Variants in BRCC3 observed in about 807,000 individuals in gnomAD.
BRCC3 encodes the protein BRCA1/BRCA2-containing complex subunit 3.
Under a neutral mutation model 28.0 loss-of-function variants are expected in BRCC3, and 15 were observed. The observed-to-expected ratio is 0.54, with a 90% CI of 0.36 to 0.82. The LOEUF is 0.82. Among genes scored for constraint, BRCC3 ranks in the 40% least tolerant of loss-of-function variants. The pLI is 0.01. For synonymous variants in BRCC3, 66 were observed against 80.3 expected, an observed-to-expected ratio of 0.82 and a Z score of 0.95; for missense variants, 109 against 225.9, an observed-to-expected ratio of 0.48 and a Z score of 3.32.
chrX:155,091,106 C>T lies in BRCC3; in HGVS notation c.548+267C>T, dbSNP rs151090142. On this transcript the variant is annotated intron_variant, in intron 7 of 10. Transcript: ENST00000330045. ...TGACATTTCCTTTTGTACACTTATC[C>T]TAACTGAGCTGCTATTTTTCCTTTC... Among the ~76,000 whole-genome samples the T allele has an allele frequency of 5.5e-3, 611 of 111,487 alleles. 6 individuals are homozygous for T. The highest frequency in any genetic ancestry group is 0.019 in the African/African-American group (585 of 30,601).
intron 5 of BRCC3, among the ~76,000 whole-genome samples, chrX:155,088,971 C>A (rs1445114251): frequency 8.9e-6 from 1 of 112,107 alleles, no homozygotes; most frequent in Non-Finnish European, 1.9e-5. Flanking sequence ...TTTTTAATTT[C>A]TCTTTCTATT....
At chrX:155,091,565 C>A (rs1172095888) in intron 7 of BRCC3, among the ~76,000 whole-genome samples, 7 of 111,717 alleles carry the variant, frequency 6.3e-5, no homozygotes, top group African/African-American at 2.3e-4. Context: ...AGCCACTGCA[C>A]CCGGCCACTA....
chrX:155,083,916 CCCAGTCCAAAA>C (rs781943645), intron 5 of BRCC3, among the ~76,000 whole-genome samples: 12 of 112,321 alleles, frequency 1.1e-4, no homozygotes, highest in African/African-American at 3.9e-4. Flanking sequence ...AGCTGAAATA[CCCAGTCCAAAA>C]CCAGATGGCT....
chrX:155,072,739 T>G (rs1372943721), intron 2 of BRCC3, among the ~76,000 whole-genome samples: 1 of 109,706 alleles, frequency 9.1e-6, no homozygotes, highest in Non-Finnish European at 1.9e-5. Flanking sequence ...CTTTTTTTTT[T>G]GTACAGACGG....
At chrX:155,078,740 G>T in intron 5 of BRCC3, 37 bp downstream of exon 5, 1 of 996,296 alleles carries the variant, frequency 1.0e-6, no homozygotes, top group Non-Finnish European at 1.4e-6. Flanking sequence ...ATTGTTTTCA[G>T]AAATTAATAT....
At chrX:155,105,346 G>A (rs2074274329) in intron 7 of BRCC3, among the ~76,000 whole-genome samples, 1 of 111,398 alleles carries the variant, frequency 9.0e-6, no homozygotes, top group Non-Finnish European at 1.9e-5. Flanking sequence ...AGCCAAGTGT[G>A]GTGGCGCATG....
At chrX:155,120,490 A>G (rs1462756734) in intron 10 of BRCC3, among the ~76,000 whole-genome samples, 1 of 111,883 alleles carries the variant, frequency 8.9e-6, no homozygotes, top group Non-Finnish European at 1.9e-5. Flanking sequence ...GGAAGTCTTT[A>G]TTTTCATTTT....
intron 3 of BRCC3, among the ~76,000 whole-genome samples, chrX:155,075,684 G>C (rs1241922493): frequency 8.9e-6 from 1 of 112,196 alleles, no homozygotes; most frequent in East Asian, 2.8e-4. Context: ...TCTCAAATCT[G>C]TTTCTTCCAT....
chrX:155,071,689 C>T (rs1557292589), intron 1 of BRCC3, 39 bp downstream of exon 1: 7 of 1,187,554 alleles, frequency 5.9e-6, no homozygotes, highest in Non-Finnish European at 5.7e-6. Flanking sequence ...CCCTGCTGAG[C>T]AGTCCCAGTG....
At chrX:155,077,762 G>C (rs188250096) in intron 4 of BRCC3, among the ~76,000 whole-genome samples, 1 of 112,277 alleles carries the variant, frequency 8.9e-6, no homozygotes, top group Non-Finnish European at 1.9e-5. Context: ...TGGGGCATTT[G>C]TTTCCTGTGA....
chrX:155,075,299 C>T (rs782627393), intron 3 of BRCC3, among the ~76,000 whole-genome samples: 4 of 45,812 alleles, frequency 8.7e-5, no homozygotes, highest in Non-Finnish European at 1.3e-4. Context: ...TTCCCCTGGC[C>T]CTTCTTGTTC....
intron 7 of BRCC3, among the ~76,000 whole-genome samples, chrX:155,091,408 A>G (rs2074173618): frequency 9.1e-6 from 1 of 110,300 alleles, no homozygotes; most frequent in Non-Finnish European, 1.9e-5. Context: ...AATAGCTGGG[A>G]CTACAGGCAT....
chrX:155,120,308 C>G (rs2074381702), intron 10 of BRCC3, 140 bp downstream of exon 10: 1 of 474,419 alleles, frequency 2.1e-6, no homozygotes, highest in Non-Finnish European at 3.6e-6. Flanking sequence ...TTAGAGTTCA[C>G]TGAACCCTCC....
Position 155,107,320 on chromosome X carries a change from ATT to A in BRCC3, c.549-8727_549-8726del, listed in dbSNP as rs201256638. On this transcript the variant is annotated intron_variant, in intron 7 of 10. Transcript: ENST00000330045. ...TAGATGCTAAGTAGTATTTTTATTT[ATT>A]TTTTTTTTTAAAAGTTCTTTAATTT... Among the ~76,000 whole-genome samples, 173 of 104,423 alleles carry A rather than the reference ATT, an allele frequency of 1.7e-3. 1 individual carries two copies. The highest frequency in any genetic ancestry group is 5.8e-3 in the African/African-American group (166 of 28,657). 90.7% of individuals were successfully genotyped at this position (104,423 alleles called of 115,157 possible).
intron 4 of BRCC3, among the ~76,000 whole-genome samples, chrX:155,078,241 A>G (rs1557293853): frequency 8.9e-6 from 1 of 112,563 alleles, no homozygotes; most frequent in Non-Finnish European, 1.9e-5. Flanking sequence ...AAGGATTATT[A>G]TATTTTAATA....
chrX:155,119,654 C>T (rs1329962430), intron 9 of BRCC3, among the ~76,000 whole-genome samples: 1 of 112,289 alleles, frequency 8.9e-6, no homozygotes, highest in East Asian at 2.8e-4. Flanking sequence ...TGGTGGTTTA[C>T]AGCAAGGGAA....
intron 5 of BRCC3, among the ~76,000 whole-genome samples, chrX:155,085,510 C>G (rs1176599145): frequency 1.8e-5 from 2 of 112,001 alleles, no homozygotes; most frequent in Admixed American, 1.9e-4. Context: ...TGCTTTCTTC[C>G]TGAAAGACCC....
intron 3 of BRCC3, among the ~76,000 whole-genome samples, chrX:155,074,792 C>T (rs186121015): frequency 4.5e-5 from 5 of 111,751 alleles, no homozygotes; most frequent in South Asian, 7.3e-4. Context: ...TATTTTTTAT[C>T]CTTTTATTTT....
Position 155,071,518 on chromosome X carries a change from T to G in BRCC3, c.-10T>G. 4 of 1,196,429 alleles carry G rather than the reference T, an allele frequency of 3.3e-6. No individual in the cohort carries two copies. The highest frequency in any genetic ancestry group is 4.5e-6 in the Non-Finnish European group (4 of 887,846). On this transcript the variant is annotated 5_prime_UTR_variant, in exon 1 of 11. Transcript: ENST00000330045. ...GGGCCCGAGGCGGACGTGAGAAGGG[T>G]CGGGCCAAGATGGCGGTGCAGGTGG...
Sources: allele counts gnomAD v4.1 joint callset (sites outside exome capture counted in the v4.1 genomes callset), GRCh38; gene constraint gnomAD v4.1.1; transcripts MANE v1.5; gene names NCBI Gene and HGNC (gene_info 2026-07-23, HGNC 2026-07-21).